Variants in COQ2 observed in about 807,000 individuals in gnomAD.
COQ2 encodes 4-hydroxybenzoate polyprenyltransferase, mitochondrial.
A neutral mutation model predicts 35.7 loss-of-function variants in COQ2; 25 were observed. That is an observed-to-expected ratio of 0.70 (90% CI 0.51 to 0.98). The LOEUF is 0.98. Ranked by LOEUF, COQ2 falls within the 50% of genes least tolerant of loss-of-function variation. The pLI, the probability that COQ2 is intolerant of heterozygous loss-of-function variation, is 0.00. For synonymous variants in COQ2, 206 were observed against 186.2 expected, an observed-to-expected ratio of 1.11 and a Z score of -0.86; for missense variants, 488 against 473.5, an observed-to-expected ratio of 1.03 and a Z score of -0.28.
chr4:83,267,290 T>C (rs776016058), intron 6 of COQ2: 8 of 430,138 alleles, frequency 1.9e-5, no homozygotes, highest in South Asian at 1.1e-4. Flanking sequence ...GGTGGGAGGA[T>C]TGCTTCAGTC....
At chr4:83,283,278 C>T (rs1735371978) in intron 1 of COQ2, 13 of 985,320 alleles carry the variant, frequency 1.3e-5, no homozygotes, top group African/African-American at 3.5e-5. Context: ...CATCTCCATA[C>T]ACTGCAATGG....
intron 1 of COQ2, chr4:83,283,347 C>T: frequency 1.0e-6 from 1 of 985,398 alleles, no homozygotes. Flanking sequence ...CCACGCTATC[C>T]AGCTTCTTCA....
intron 1 of COQ2, chr4:83,283,958 T>C: frequency 1.0e-6 from 1 of 985,392 alleles, no homozygotes; most frequent in Non-Finnish European, 1.2e-6. Context: ...ATCTTTGCCT[T>C]ATGGGTGATG....
chr4:83,267,413 C>G (rs1207858878), intron 6 of COQ2, among the ~76,000 whole-genome samples, 173 bp downstream of exon 6: 1 of 152,036 alleles, frequency 6.6e-6, no homozygotes, highest in Non-Finnish European at 1.5e-5. Flanking sequence ...AATACTAGAG[C>G]TAGCTTTCTT....
At position 83,281,110 on chromosome 4, in the gene COQ2, G is replaced by A. The variant is rs540979914; in HGVS notation, c.254-1996C>T. 3.3e-5 allele frequency among the ~76,000 whole-genome samples: 5 copies of A among 152,240 alleles called. No homozygotes were observed. The East Asian group carries it at 9.6e-4, about 29-fold the overall frequency. On this transcript the variant is annotated intron_variant, in intron 1 of 6. Coordinates refer to ENST00000647002, the MANE Select transcript of COQ2 (RefSeq NM_001358921.2). ...GTAACATCTTTACATAGTAGGTACT[G>A]TTAATAACCCTATCTTACAGATGAG... is the stretch of plus-strand genomic sequence containing the variant.
intron 6 of COQ2, 94 bp from the exon 7 acceptor site, chr4:83,264,457 T>C (rs1734863261): frequency 3.4e-6 from 5 of 1,449,762 alleles, no homozygotes; most frequent in Non-Finnish European, 4.5e-6. Context: ...AAACAGCAAA[T>C]ACAAAAAATA....
chr4:83,283,972 G>A, intron 1 of COQ2: 3 of 985,444 alleles, frequency 3.0e-6, no homozygotes, highest in East Asian at 1.1e-4. Context: ...GGTGATGCAG[G>A]TAAAAGAGCT....
chr4:83,271,209 A>G (rs7655042), intron 4 of COQ2, among the ~76,000 whole-genome samples: 113,848 of 152,120 alleles, frequency 0.75, 42,804 homozygotes, highest in East Asian at 0.85. Context: ...CCTACACCGC[A>G]CCAAGTGCTA....
chr4:83,269,301 T>C (rs780337273), intron 5 of COQ2, among the ~76,000 whole-genome samples: 1 of 152,304 alleles, frequency 6.6e-6, no homozygotes, highest in East Asian at 1.9e-4. Flanking sequence ...TCATAGTCCA[T>C]AGTCTTAAAG....
chr4:83,284,992 AT>A, upstream of COQ2: 1 of 1,020,012 alleles, frequency 9.8e-7, no homozygotes, highest in Non-Finnish European at 1.4e-6. Context: ...ATTACAATAA[AT>A]TTAGTTGTAA....
intron 5 of COQ2, 96 bp downstream of exon 5, chr4:83,269,764 C>A: frequency 8.9e-7 from 1 of 1,119,116 alleles, no homozygotes. Context: ...TCTTAAAAAA[C>A]AACAACAAAT....
chr4:83,278,489 G>GA lies in COQ2; in HGVS notation c.420+458dup, dbSNP rs1171763424. Among the ~76,000 whole-genome samples the GA allele has an allele frequency of 5.9e-5, 9 of 152,290 alleles. No individual in the cohort carries two copies. The East Asian group carries it at 1.2e-3, about 20-fold the overall frequency. On this transcript the variant is annotated intron_variant, in intron 2 of 6. Transcript: ENST00000647002. The stretch of plus-strand genomic sequence containing the variant: ...CAAGCATGTATTATTTTTCTAAGGA[G>GA]AAAAAATGGGTAAAGTTATGTTTTT...
At chr4:83,272,938 A>T (rs1289159230) in intron 3 of COQ2, among the ~76,000 whole-genome samples, 1 of 152,192 alleles carries the variant, frequency 6.6e-6, no homozygotes, top group African/African-American at 2.4e-5. Flanking sequence ...TAGTCTCCAT[A>T]AAGTAACTTT....
At chr4:83,276,428 GTT>G (rs1217425823) in intron 2 of COQ2, among the ~76,000 whole-genome samples, 1 of 152,010 alleles carries the variant, frequency 6.6e-6, no homozygotes, top group African/African-American at 2.4e-5. Context: ...TTTTGTTTCT[GTT>G]GTGTTTCCTT....
chr4:83,276,338 G>GCAGGTGGT (rs1475580904), intron 2 of COQ2, among the ~76,000 whole-genome samples: 1 of 151,910 alleles, frequency 6.6e-6, no homozygotes, highest in Non-Finnish European at 1.5e-5. Context: ...CTCCCATTCT[G>GCAGGTGGT]CAGGTGGTCT....
intron 1 of COQ2, among the ~76,000 whole-genome samples, chr4:83,282,257 T>C (rs913663988): frequency 1.3e-5 from 2 of 152,100 alleles, no homozygotes; most frequent in African/African-American, 4.8e-5. Context: ...TGGAATAAGG[T>C]AGTTTAGCCC....
rs762399579 is a variant in COQ2, at chr4:83,284,559, C to T, written c.206G>A (p.Arg69His). The change falls in exon 1 of 7, where the codon CGC becomes CAC. Residue 69 changes from arginine to histidine, a missense_variant. Coordinates refer to ENST00000647002, the MANE Select transcript of COQ2 (RefSeq NM_001358921.2). The part of the protein sequence containing the change: ...SAAAVVDSAP[R>H]PLQPYLRLMR... ...GAGGCGCAAGTACGGCTGCAGGGGG[C>T]GGGGCGCAGAGTCCACCACCGCCGC... 2.0e-5 allele frequency: 31 copies of T among 1,567,244 alleles called. 1 individual carries two copies. In the Admixed American group the frequency reaches 5.4e-4, roughly 27 times the overall value.
intron 2 of COQ2, among the ~76,000 whole-genome samples, chr4:83,275,525 C>G (rs115705515): frequency 0.074 from 11,320 of 152,016 alleles, 560 homozygotes; most frequent in Admixed American, 0.13. Flanking sequence ...AAAACAAAAT[C>G]TAGGAAATTC....
intron 2 of COQ2, among the ~76,000 whole-genome samples, chr4:83,277,700 T>A (rs1267176197): frequency 1.3e-5 from 2 of 152,164 alleles, no homozygotes; most frequent in Non-Finnish European, 2.9e-5. Flanking sequence ...CCAGGCGCGG[T>A]GGCTCATGCC....
Sources: gnomAD v4.1 joint callset for allele counts (sites outside exome capture counted in the v4.1 genomes callset) on GRCh38, gnomAD v4.1.1 for gene constraint, MANE v1.5 for transcripts, NCBI Gene and HGNC (gene_info 2026-07-23, HGNC 2026-07-21) for gene names.